The following FCHSD2 variants were observed in gnomAD, a reference collection of about 807,000 sequenced individuals.
FCHSD2 encodes FCH and double SH3 domains 2, also known as F-BAR and double SH3 domains protein 2.
In FCHSD2, 38 loss-of-function variants were observed where a neutral mutation model predicts 108.1. The observed-to-expected ratio is 0.35, with a 90% CI of 0.27 to 0.46. The LOEUF (loss-of-function observed/expected upper bound fraction) is 0.46, where lower values mean the gene tolerates loss of function less well. FCHSD2 is among the 20% of genes least tolerant of loss of function. The pLI is 1.00. For synonymous variants in FCHSD2, 279 were observed against 314.7 expected, an observed-to-expected ratio of 0.89 and a Z score of 1.20; for missense variants, 751 against 897.8, an observed-to-expected ratio of 0.84 and a Z score of 2.09.
intron 10 of FCHSD2, among the ~76,000 whole-genome samples, chr11:72,901,423 AAAT>A (rs1329130470): frequency 6.6e-6 from 1 of 151,964 alleles, no homozygotes; most frequent in African/African-American, 2.4e-5. Context: ...TAATAATAAT[AAAT>A]AAGTAAAAAT....
In FCHSD2 at chr11:73,091,441, T is replaced by C. The variant is rs547776300; in HGVS notation, c.120-7701A>G. ...GTGGGTGCCTGTAATCCCAGCTACA[T>C]GGGAGGCTGAGGCAGGAGAATCACT... is the stretch of plus-strand genomic sequence containing the variant. On this transcript the variant is annotated intron_variant, in intron 2 of 19. Coordinates refer to ENST00000409418, the MANE Select transcript of FCHSD2 (RefSeq NM_014824.3). Among the ~76,000 whole-genome samples, 179 of 151,686 alleles carry C rather than the reference T, an allele frequency of 1.2e-3. 1 individual carries two copies. Among genetic ancestry groups the C allele is most frequent in the African/African-American group, 4.2e-3 (172 of 41,342 alleles).
intron 3 of FCHSD2, among the ~76,000 whole-genome samples, chr11:73,017,826 T>C (rs1858007703): frequency 6.6e-6 from 1 of 152,156 alleles, no homozygotes; most frequent in Non-Finnish European, 1.5e-5. Context: ...ACGTAAACAA[T>C]CACAAATATA....
chr11:73,071,819 T>C (rs1859443718), intron 3 of FCHSD2, among the ~76,000 whole-genome samples: 1 of 152,120 alleles, frequency 6.6e-6, no homozygotes, highest in South Asian at 2.1e-4. Flanking sequence ...TAACAGTAAC[T>C]ACTGTATCCC....
intron 17 of FCHSD2, 31 bp from the exon 18 acceptor site, chr11:72,841,614 G>A (rs1289253297): frequency 6.4e-7 from 1 of 1,565,166 alleles, no homozygotes; most frequent in Admixed American, 2.0e-5. Context: ...GTTACCCGGT[G>A]CTCCCCTCCA....
At chr11:73,037,061 G>C (rs892220698) in intron 3 of FCHSD2, among the ~76,000 whole-genome samples, 11 of 152,156 alleles carry the variant, frequency 7.2e-5, no homozygotes, top group Non-Finnish European at 1.2e-4. Context: ...TCACCTGGAA[G>C]ATATTTATAG....
chr11:72,908,354 T>C (rs1185944098), intron 9 of FCHSD2, among the ~76,000 whole-genome samples: 2 of 152,220 alleles, frequency 1.3e-5, no homozygotes, highest in African/African-American at 2.4e-5. Context: ...AGAGTGCAGA[T>C]ATCTCTTTGA....
At position 72,971,714 on chromosome 11, in the gene FCHSD2, C is replaced by T. The variant is rs640283; in HGVS notation, c.705+12374G>A. Among the ~76,000 whole-genome samples the T allele has an allele frequency of 3.1e-3, 465 of 152,212 alleles. 1 individual carries two copies. The highest frequency in any genetic ancestry group is 0.011 in the African/African-American group (445 of 41,550). On this transcript the variant is annotated intron_variant, in intron 8 of 19. Transcript: ENST00000409418. Reference sequence around the variant, plus strand: ...GGAAGGAGATTCTTCCCCAGAATCTCCAGATAAGAATGCAGCCAAGGTGAC... The same window carrying T: ...GGAAGGAGATTCTTCCCCAGAATCTTCAGATAAGAATGCAGCCAAGGTGAC...
intron 2 of FCHSD2, among the ~76,000 whole-genome samples, chr11:73,100,494 G>A (rs1344387775): frequency 1.3e-5 from 2 of 152,096 alleles, no homozygotes; most frequent in Non-Finnish European, 2.9e-5. Flanking sequence ...CTCCCAAGTA[G>A]CTGGGATTAC....
At chr11:73,062,908 C>T (rs550087716) in intron 3 of FCHSD2, among the ~76,000 whole-genome samples, 6 of 152,198 alleles carry the variant, frequency 3.9e-5, no homozygotes, top group Admixed American at 2.6e-4. Flanking sequence ...GCAAGACAGG[C>T]CAATATTCAA....
At chr11:73,064,472 C>T (rs1449136923) in intron 3 of FCHSD2, among the ~76,000 whole-genome samples, 2 of 150,574 alleles carry the variant, frequency 1.3e-5, no homozygotes, top group Non-Finnish European at 3.0e-5. Flanking sequence ...CAAGAAAAAC[C>T]CTTCAAAAAA....
At chr11:73,005,010 C>A (rs1385270859) in intron 4 of FCHSD2, among the ~76,000 whole-genome samples, 2 of 152,228 alleles carry the variant, frequency 1.3e-5, no homozygotes, top group Non-Finnish European at 2.9e-5. Flanking sequence ...CTTGCACGAA[C>A]TACCTGTGCT....
intron 8 of FCHSD2, among the ~76,000 whole-genome samples, chr11:72,964,934 C>A (rs936017779): frequency 6.6e-6 from 1 of 151,906 alleles, no homozygotes; most frequent in African/African-American, 2.4e-5. Context: ...GGACTACAGG[C>A]GCCCGCCACC....
At chr11:73,017,348 T>C (rs888952047) in intron 3 of FCHSD2, among the ~76,000 whole-genome samples, 2 of 152,184 alleles carry the variant, frequency 1.3e-5, no homozygotes, top group Admixed American at 1.3e-4. Flanking sequence ...GTAATGGTTA[T>C]AGAAATCATT....
intron 3 of FCHSD2, among the ~76,000 whole-genome samples, chr11:73,075,482 C>G (rs1008455923): frequency 6.6e-6 from 1 of 152,116 alleles, no homozygotes; most frequent in African/African-American, 2.4e-5. Context: ...CATTGCAAAA[C>G]GAGAATGCAA....
At chr11:73,031,772 G>A (rs1243027179) in intron 3 of FCHSD2, among the ~76,000 whole-genome samples, 2 of 152,062 alleles carry the variant, frequency 1.3e-5, no homozygotes, top group East Asian at 3.8e-4. Flanking sequence ...TACATTACAG[G>A]TAACCAACAC....
chr11:73,107,914 T>A (rs745919391), intron 2 of FCHSD2, among the ~76,000 whole-genome samples: 1 of 152,204 alleles, frequency 6.6e-6, no homozygotes, highest in Non-Finnish European at 1.5e-5. Flanking sequence ...GACATGGGTA[T>A]CTTTTGGATA....
intron 3 of FCHSD2, among the ~76,000 whole-genome samples, chr11:73,059,564 A>C (rs1859113713): frequency 6.6e-6 from 1 of 152,158 alleles, no homozygotes; most frequent in African/African-American, 2.4e-5. Flanking sequence ...TATTTTGCTG[A>C]AGGTCAACCA....
At chr11:73,119,215 T>C (rs773544310) in intron 2 of FCHSD2, among the ~76,000 whole-genome samples, 13 of 151,534 alleles carry the variant, frequency 8.6e-5, no homozygotes, top group South Asian at 2.1e-4. Context: ...AGAGGGAAGA[T>C]TGCTTTGAGT....
intron 8 of FCHSD2, among the ~76,000 whole-genome samples, chr11:72,953,363 T>C (rs1591430860): frequency 6.6e-6 from 1 of 152,250 alleles, no homozygotes; most frequent in East Asian, 1.9e-4. Flanking sequence ...CTTTAATCTC[T>C]AATTCTGCTT....
Sources: gnomAD v4.1 joint callset for allele counts (sites outside exome capture counted in the v4.1 genomes callset) on GRCh38, gnomAD v4.1.1 for gene constraint, MANE v1.5 for transcripts, NCBI Gene and HGNC (gene_info 2026-07-23, HGNC 2026-07-21) for gene names.